Variants in THRB observed in about 807,000 individuals in gnomAD.
THRB encodes thyroid hormone receptor beta.
In THRB, 12 loss-of-function variants were observed where a neutral mutation model predicts 47.8. The observed-to-expected ratio is 0.25, with a 90% CI of 0.16 to 0.41. The LOEUF (loss-of-function observed/expected upper bound fraction) is 0.41, where lower values mean the gene tolerates loss of function less well. THRB is among the 10% of genes least tolerant of loss of function. THRB has a pLI of 1.00. For synonymous variants in THRB, 218 were observed against 212.2 expected (o/e 1.03, Z -0.24); for missense variants, 348 against 589.2 (o/e 0.59, Z 4.24).
chr3:24,287,133 T>A (rs1274448754), intron 3 of THRB, among the ~76,000 whole-genome samples: 2 of 152,180 alleles, frequency 1.3e-5, no homozygotes, highest in East Asian at 3.9e-4. Flanking sequence ...ATGCAGTGGG[T>A]TCTACATAGA....
At chr3:24,464,013 G>A (rs907614739) in intron 1 of THRB, among the ~76,000 whole-genome samples, 4 of 152,248 alleles carry the variant, frequency 2.6e-5, no homozygotes, top group East Asian at 1.9e-4. Flanking sequence ...TTGGGAGGCC[G>A]AGGTGGGCGG....
chr3:24,154,677 A>G (rs953847464), intron 5 of THRB, among the ~76,000 whole-genome samples: 1 of 152,230 alleles, frequency 6.6e-6, no homozygotes, highest in African/African-American at 2.4e-5. Context: ...TAAAACACAA[A>G]GTAACTTTTA....
At chr3:24,323,665 A>G (rs1001158909) in intron 2 of THRB, among the ~76,000 whole-genome samples, 17 of 152,268 alleles carry the variant, frequency 1.1e-4, no homozygotes, top group African/African-American at 3.9e-4. Context: ...AGAAACACCA[A>G]TAGTTGGCAT....
At chr3:24,155,134 A>G (rs2149142669) in intron 5 of THRB, among the ~76,000 whole-genome samples, 1 of 152,298 alleles carries the variant, frequency 6.6e-6, no homozygotes, top group South Asian at 2.1e-4. Flanking sequence ...TCAACAATTT[A>G]TGTAGATGGT....
chr3:24,290,756 C>CTAACCTTGAA (rs1438837388), intron 3 of THRB, among the ~76,000 whole-genome samples: 1 of 152,202 alleles, frequency 6.6e-6, no homozygotes, highest in East Asian at 1.9e-4. Flanking sequence ...ATAGTAATGA[C>CTAACCTTGAA]TAACCTTGAA....
intron 2 of THRB, among the ~76,000 whole-genome samples, chr3:24,301,738 A>G (rs1236649303): frequency 2.6e-5 from 4 of 152,174 alleles, no homozygotes; most frequent in Non-Finnish European, 4.4e-5. Context: ...TAAAAATGCT[A>G]TCTTACATGG....
chr3:24,464,420 A>G (rs373672001), intron 1 of THRB, among the ~76,000 whole-genome samples: 15 of 152,322 alleles, frequency 9.8e-5, no homozygotes, highest in African/African-American at 3.6e-4. Context: ...TATTTTGTCT[A>G]ATATGAATAT....
At chr3:24,244,324 G>A (rs2049890684) in intron 3 of THRB, among the ~76,000 whole-genome samples, 1 of 152,148 alleles carries the variant, frequency 6.6e-6, no homozygotes, top group South Asian at 2.1e-4. Context: ...TAAAGACAGA[G>A]CTGAAAAAGA....
At chr3:24,139,235 G>C (rs1248163554) in intron 8 of THRB, among the ~76,000 whole-genome samples, 1 of 152,070 alleles carries the variant, frequency 6.6e-6, no homozygotes, top group Non-Finnish European at 1.5e-5. Context: ...TTAAAGAGTG[G>C]CTTTAGATTT....
chr3:24,254,798 A>AC, intron 3 of THRB, among the ~76,000 whole-genome samples: 1 of 152,362 alleles, frequency 6.6e-6, no homozygotes, highest in African/African-American at 2.4e-5. Flanking sequence ...ACCAGCACGT[A>AC]CACCATTTTT....
chr3:24,412,090 TA>T (rs1300012246), intron 1 of THRB, among the ~76,000 whole-genome samples: 12 of 151,824 alleles, frequency 7.9e-5, no homozygotes, highest in African/African-American at 1.7e-4. Context: ...TATGAGTTAT[TA>T]AAAAATATTA....
intron 4 of THRB, among the ~76,000 whole-genome samples, chr3:24,209,372 C>CACA (rs1331090925): frequency 6.6e-6 from 1 of 152,186 alleles, no homozygotes. Flanking sequence ...AAGACACATG[C>CACA]ACACGTATGT....
chr3:24,211,463 C>T (rs991121039), intron 4 of THRB, among the ~76,000 whole-genome samples: 6 of 152,162 alleles, frequency 3.9e-5, no homozygotes, highest in Non-Finnish European at 8.8e-5. Context: ...TGATATGATA[C>T]AGCCGATTTG....
Position 24,238,944 on chromosome 3 carries a change from CT to C in THRB, c.-42-9944del, listed in dbSNP as rs548620071. ...TGTCTCCATTCTCACGCATTAGGTTCTTTTTTTTTTTTTTTGAGACAGAGTC... is the reference window on the plus strand; with the variant it reads ...TGTCTCCATTCTCACGCATTAGGTTCTTTTTTTTTTTTTTGAGACAGAGTC... On this transcript the variant is annotated intron_variant, in intron 3 of 10. Coordinates refer to ENST00000646209, the MANE Select transcript of THRB (RefSeq NM_001354712.2). Among the ~76,000 whole-genome samples the C allele has an allele frequency of 3.3e-3, 471 of 140,868 alleles. 1 individual carries two copies. The highest frequency in any genetic ancestry group is 3.9e-3 in the East Asian group (19 of 4,870). The allele number at this position is 140,868 out of a possible 152,430, so 92.4% of individuals were successfully genotyped here.
chr3:24,202,109 A>G (rs139989275), intron 4 of THRB, among the ~76,000 whole-genome samples: 1 of 152,326 alleles, frequency 6.6e-6, no homozygotes, highest in East Asian at 1.9e-4. Context: ...CTTTATGGGA[A>G]GTCAACACTG....
chr3:24,248,844 C>T (rs542124719), intron 3 of THRB, among the ~76,000 whole-genome samples: 13 of 152,174 alleles, frequency 8.5e-5, no homozygotes, highest in Non-Finnish European at 1.6e-4. Context: ...AATTTCATCT[C>T]CTCTTTTTGT....
intron 4 of THRB, among the ~76,000 whole-genome samples, chr3:24,197,498 T>C (rs1575782682): frequency 6.6e-6 from 1 of 152,240 alleles, no homozygotes; most frequent in South Asian, 2.1e-4. Context: ...GTCCTCCTTG[T>C]ATCATGTAAA....
intron 8 of THRB, among the ~76,000 whole-genome samples, chr3:24,133,898 T>C (rs940906267): frequency 2.0e-5 from 3 of 152,100 alleles, no homozygotes; most frequent in Admixed American, 2.0e-4. Flanking sequence ...AGCAGAGCGA[T>C]GGGTGGGCCC....
chr3:24,258,708 A>G (rs2051595118), intron 3 of THRB, among the ~76,000 whole-genome samples: 1 of 152,214 alleles, frequency 6.6e-6, no homozygotes, highest in African/African-American at 2.4e-5. Flanking sequence ...TTACTCTAGC[A>G]TGAGTCCTGT....
Sources: gnomAD v4.1 joint callset for allele counts (sites outside exome capture counted in the v4.1 genomes callset) on GRCh38, gnomAD v4.1.1 for gene constraint, MANE v1.5 for transcripts, NCBI Gene and HGNC (gene_info 2026-07-23, HGNC 2026-07-21) for gene names.